The following FOXN3 variants were observed in gnomAD, a reference collection of about 807,000 sequenced individuals.
FOXN3 encodes forkhead box protein N3.
A neutral mutation model predicts 38.4 loss-of-function variants in FOXN3; 7 were observed. The observed-to-expected ratio is 0.18, with a 90% confidence interval of 0.10 to 0.34. The LOEUF (loss-of-function observed/expected upper bound fraction) is 0.34. FOXN3 is among the 10% of genes least tolerant of loss of function. FOXN3 has a pLI of 1.00. For synonymous variants in FOXN3, 230 were observed against 242.2 expected (o/e 0.95, Z 0.47); for missense variants, 456 against 613.4 (o/e 0.74, Z 2.71).
intron 3 of FOXN3, among the ~76,000 whole-genome samples, chr14:89,304,765 C>T (rs1052893909): frequency 2.0e-5 from 3 of 152,018 alleles, no homozygotes; most frequent in African/African-American, 4.8e-5. Flanking sequence ...GGCTTAAGCA[C>T]TGGTGTCTCC....
At chr14:89,497,192 G>T (rs1872509336) in intron 1 of FOXN3, among the ~76,000 whole-genome samples, 1 of 151,880 alleles carries the variant, frequency 6.6e-6, no homozygotes, top group South Asian at 2.1e-4. Context: ...CTGACCTCAG[G>T]TGATCCACCT....
At position 89,541,670 on chromosome 14, in the gene FOXN3, G is replaced by T. The variant is rs542590783; in HGVS notation, c.-15+77358C>A. ...ATTCCTTTACTTTCTTTATAAACTT[G>T]CTTTTGCTTTACTCTATGGACTTGC... On this transcript the variant is annotated intron_variant, in intron 1 of 6. Transcript: ENST00000345097. Among the ~76,000 whole-genome samples the T allele has an allele frequency of 1.2e-4, 18 of 152,212 alleles. No homozygotes were observed. In the South Asian group the frequency reaches 1.5e-3, roughly 12 times the overall value.
chr14:89,529,366 G>A (rs1374804645), intron 1 of FOXN3, among the ~76,000 whole-genome samples: 2 of 152,176 alleles, frequency 1.3e-5, no homozygotes. Flanking sequence ...CACAACAGAA[G>A]TATAAAAACA....
intron 5 of FOXN3, among the ~76,000 whole-genome samples, chr14:89,170,780 A>G (rs1224156980): frequency 1.3e-5 from 2 of 152,216 alleles, no homozygotes; most frequent in African/African-American, 4.8e-5. Flanking sequence ...AAAAATACCC[A>G]TGGGTCAAAG....
chr14:89,325,355 C>A (rs1888044269), intron 3 of FOXN3, among the ~76,000 whole-genome samples: 4 of 138,364 alleles, frequency 2.9e-5, no homozygotes, highest in African/African-American at 1.1e-4. Flanking sequence ...ACCACCACCA[C>A]CACCACTACC....
intron 1 of FOXN3, among the ~76,000 whole-genome samples, chr14:89,569,577 A>G (rs10438205): frequency 0.059 from 8,993 of 152,304 alleles, 616 homozygotes; most frequent in African/African-American, 0.15. Context: ...ATCAACCTCA[A>G]AGAAAACTTC....
At chr14:89,293,425 G>C (rs1391023745) in intron 3 of FOXN3, among the ~76,000 whole-genome samples, 1 of 152,210 alleles carries the variant, frequency 6.6e-6, no homozygotes, top group Non-Finnish European at 1.5e-5. Flanking sequence ...GGGTCACAGG[G>C]CTGGTTCCTT....
At chr14:89,269,775 T>C (rs942604146) in intron 4 of FOXN3, among the ~76,000 whole-genome samples, 2 of 152,082 alleles carry the variant, frequency 1.3e-5, no homozygotes, top group Non-Finnish European at 2.9e-5. Context: ...CATACTTCCT[T>C]TGAGATGCCA....
At chr14:89,331,561 C>T (rs1443258238) in intron 3 of FOXN3, among the ~76,000 whole-genome samples, 2 of 152,168 alleles carry the variant, frequency 1.3e-5, no homozygotes, top group African/African-American at 4.8e-5. Flanking sequence ...CAGACTCAGA[C>T]TCAATCTGTT....
intron 1 of FOXN3, among the ~76,000 whole-genome samples, chr14:89,516,719 G>A (rs755915438): frequency 1.1e-4 from 17 of 151,846 alleles, no homozygotes; most frequent in Non-Finnish European, 1.6e-4. Context: ...GCACCACCAC[G>A]CCTGGCTAAT....
chr14:89,405,121 C>T (rs1057229115), intron 2 of FOXN3, among the ~76,000 whole-genome samples: 4 of 151,866 alleles, frequency 2.6e-5, no homozygotes, highest in African/African-American at 9.7e-5. Flanking sequence ...GAGGTGCAAC[C>T]TCAGTTTCTT....
chr14:89,604,392 G>A (rs1020978881), intron 1 of FOXN3, among the ~76,000 whole-genome samples: 1 of 151,970 alleles, frequency 6.6e-6, no homozygotes, highest in Non-Finnish European at 1.5e-5. Flanking sequence ...ATAAAATATT[G>A]TTTAAATAAA....
At chr14:89,403,978 G>A (rs1891318005) in intron 2 of FOXN3, among the ~76,000 whole-genome samples, 1 of 152,236 alleles carries the variant, frequency 6.6e-6, no homozygotes, top group Non-Finnish European at 1.5e-5. Context: ...CCACTAGTGA[G>A]AGGGAGACTC....
intron 1 of FOXN3, among the ~76,000 whole-genome samples, chr14:89,534,793 C>T (rs1233277510): frequency 2.0e-5 from 3 of 152,160 alleles, no homozygotes; most frequent in East Asian, 1.9e-4. Flanking sequence ...AGAACGGATG[C>T]GCTAGGCGGT....
Position 89,299,716 on chromosome 14 carries a change from CTG to C in FOXN3, c.681-18704_681-18703del, listed in dbSNP as rs1445950603. On this transcript the variant is annotated intron_variant, in intron 3 of 5. Transcript: ENST00000557258. Reference sequence around the variant, plus strand: ...TGGCCAAGTCTGGACTGGAGGGACTCTGAGACTGAGGAAGCCCAGCCACTCCC... The same window carrying C: ...TGGCCAAGTCTGGACTGGAGGGACTCAGACTGAGGAAGCCCAGCCACTCCC... Among the ~76,000 whole-genome samples the C allele has an allele frequency of 3.9e-5, 6 of 152,188 alleles. No homozygotes were observed. In the East Asian group the frequency reaches 1.2e-3, roughly 29 times the overall value.
At chr14:89,167,180 A>C (rs1887265135) in intron 5 of FOXN3, among the ~76,000 whole-genome samples, 1 of 152,272 alleles carries the variant, frequency 6.6e-6, no homozygotes, top group South Asian at 2.1e-4. Context: ...CTTGTCAAAT[A>C]GTTGGAAAAT....
chr14:89,290,682 G>T, intron 3 of FOXN3: 1 of 424,780 alleles, frequency 2.4e-6, no homozygotes. Context: ...AGGTTTGGGA[G>T]ATGTGGGACT....
At chr14:89,260,844 T>G (rs528057329) in intron 4 of FOXN3, among the ~76,000 whole-genome samples, 2 of 152,358 alleles carry the variant, frequency 1.3e-5, no homozygotes, top group Non-Finnish European at 2.9e-5. Context: ...AGCTATAACA[T>G]TTAATTAGTT....
Position 89,157,037 on chromosome 14 carries a change from G to A in FOXN3, c.*5377C>T, listed in dbSNP as rs773132840. 2 of 152,736 alleles carry A rather than the reference G, an allele frequency of 1.3e-5. No individual in the cohort carries two copies. The highest frequency in any genetic ancestry group is 2.1e-4 in the South Asian group (1 of 4,828). 9.5% of individuals were successfully genotyped at this position (152,736 alleles called of 1,614,324 possible). On this transcript the variant is annotated 3_prime_UTR_variant, in exon 6 of 6. Coordinates refer to ENST00000557258, the MANE Select transcript of FOXN3 (RefSeq NM_005197.4). ...AATATCAATTATTTTGCAAAAGGTAGAGAAAGCAGTTCTCAACTTTTGCAA... is the reference window on the plus strand; with the variant it reads ...AATATCAATTATTTTGCAAAAGGTAAAGAAAGCAGTTCTCAACTTTTGCAA...
Sources: allele counts gnomAD v4.1 joint callset (sites outside exome capture counted in the v4.1 genomes callset), GRCh38; gene constraint gnomAD v4.1.1; transcripts MANE v1.5; gene names NCBI Gene and HGNC (gene_info 2026-07-23, HGNC 2026-07-21).